Variants in BARD1 observed in about 807,000 individuals in gnomAD.
BARD1 encodes BRCA1 associated RING domain 1, also known as BRCA1-associated RING domain protein 1.
BARD1 carries 73 observed loss-of-function variants against 77.0 expected under a neutral mutation model. The observed-to-expected ratio is 0.95, with a 90% CI of 0.79 to 1.15. The LOEUF is 1.15. Ranked by LOEUF, BARD1 falls within the 50% of genes most tolerant of loss-of-function variation. BARD1 has a pLI of 0.00. For synonymous variants in BARD1, 384 were observed against 338.0 expected, an observed-to-expected ratio of 1.14 and a Z score of -1.49; for missense variants, 993 against 938.8, an observed-to-expected ratio of 1.06 and a Z score of -0.75.
chr2:214,726,086 T>C lies in BARD1; in HGVS notation c.*2590A>G, dbSNP rs1407421613. The C allele has an allele frequency of 4.6e-6, 1 of 218,838 alleles. No individual in the cohort carries two copies. The highest frequency in any genetic ancestry group is 9.2e-6 in the Non-Finnish European group (1 of 109,234). 13.6% of individuals were successfully genotyped at this position (218,838 alleles called of 1,614,324 possible). A position where few individuals can be genotyped will look rare whatever the true frequency, so the allele number is the denominator to read the frequency against. On this transcript the variant is annotated 3_prime_UTR_variant, in exon 11 of 11. Transcript: ENST00000260947. ...CCGATGAAATAAAGGAAAAATTCTA[T>C]TTACTAAAATTCAAGTAGCTAAACT...
intron 4 of BARD1, among the ~76,000 whole-genome samples, chr2:214,773,646 G>T (rs1294707197): frequency 1.3e-5 from 2 of 149,782 alleles, no homozygotes; most frequent in Non-Finnish European, 3.0e-5. Flanking sequence ...TAAAAAAAAT[G>T]AACAGACCTT....
rs1197714540 is a variant in BARD1, at chr2:214,796,972, T to C, written c.215+89A>G. ...GCAGACTTTGAAAGTTACACAAACA[T>C]CAAGTACCATTATTATCAACAAGAT... On this transcript the variant is annotated intron_variant, in intron 2 of 10. Coordinates refer to ENST00000260947, the MANE Select transcript of BARD1 (RefSeq NM_000465.4). The C allele has an allele frequency of 5.8e-6, 6 of 1,033,234 alleles. No individual in the cohort carries two copies. In the East Asian group the frequency reaches 1.2e-4, roughly 20 times the overall value. The allele number at this position is 1,033,234 out of a possible 1,614,324, so 64.0% of individuals were successfully genotyped here.
At chr2:214,762,241 T>C (rs560520499) in intron 6 of BARD1, among the ~76,000 whole-genome samples, 2 of 152,328 alleles carry the variant, frequency 1.3e-5, no homozygotes, top group Non-Finnish European at 2.9e-5. Flanking sequence ...AAAATGTTTA[T>C]GAAACACAGA....
At chr2:214,744,274 G>C (rs1692991013) in intron 9 of BARD1, among the ~76,000 whole-genome samples, 1 of 152,128 alleles carries the variant, frequency 6.6e-6, no homozygotes, top group Non-Finnish European at 1.5e-5. Context: ...GAGATAGCTG[G>C]TATAGTGACT....
Position 214,809,544 on chromosome 2 carries a change from T to C in BARD1, c.26A>G (p.Asn9Ser), listed in dbSNP as rs1696475019. The C allele has an allele frequency of 6.4e-7, 1 of 1,572,338 alleles. No individual in the cohort carries two copies. The highest frequency in any genetic ancestry group is 8.6e-7 in the Non-Finnish European group (1 of 1,161,368). The change falls in exon 1 of 11, where the codon AAC becomes AGC. Residue 9 changes from asparagine (N) to serine (S), a missense_variant. Asn to Ser is a conservative substitution (Grantham distance 46). Coordinates refer to ENST00000260947, the MANE Select transcript of BARD1 (RefSeq NM_000465.4). ...CCCGGAGCGGATCCTCGGCTGCCGG[T>C]TCCTCGGCTGCCGATTATCCGGCAT... MPDNRQPR[N>S]RQPRIRSGNE...
chr2:214,736,876 C>T (rs114833034), intron 9 of BARD1, among the ~76,000 whole-genome samples: 308 of 152,208 alleles, frequency 2.0e-3, no homozygotes, highest in African/African-American at 7.1e-3. Context: ...TTGAGTTAAA[C>T]AAATACATTT....
chr2:214,785,031 A>ATGTCTTTATTAGC (rs1559429901), intron 3 of BARD1, among the ~76,000 whole-genome samples: 2 of 150,870 alleles, frequency 1.3e-5, no homozygotes, highest in African/African-American at 5.0e-5. Flanking sequence ...TAAAAAAAAA[A>ATGTCTTTATTAGC]AAAAGAAAGA....
intron 1 of BARD1, among the ~76,000 whole-genome samples, chr2:214,803,461 GC>G (rs1475800772): frequency 6.6e-6 from 1 of 152,226 alleles, no homozygotes; most frequent in East Asian, 1.9e-4. Context: ...GGGAAAAACC[GC>G]CTTAGGGCTG....
Position 214,728,861 on chromosome 2 carries a change from T to TAGACC in BARD1, c.2148_2149insGGTCT (p.Ile717GlyfsTer50). On this transcript the variant is annotated frameshift_variant, in exon 11 of 11. Coordinates refer to ENST00000260947, the MANE Select transcript of BARD1 (RefSeq NM_000465.4). LOFTEE classifies it high-confidence loss of function. Reference sequence around the variant, plus strand: ...CTCGCATGGTATGCGACTGTATTGATGGTCTGAGTCACGTCACTGTCTGGC... The same window carrying TAGACC: ...CTCGCATGGTATGCGACTGTATTGATAGACCGGTCTGAGTCACGTCACTGTCTGGC... The TAGACC allele has an allele frequency of 6.2e-7, 1 of 1,614,178 alleles. No individual in the cohort carries two copies. Among genetic ancestry groups the TAGACC allele is most frequent in the South Asian group, 1.1e-5 (1 of 91,086 alleles).
At position 214,766,125 on chromosome 2, in the gene BARD1, G is replaced by A. The variant is rs551499464; in HGVS notation, c.1568+1357C>T. 3.2e-4 allele frequency among the ~76,000 whole-genome samples: 49 copies of A among 152,192 alleles called. No homozygotes were observed. In the South Asian group the frequency reaches 1.0e-2, roughly 31 times the overall value. On this transcript the variant is annotated intron_variant, in intron 6 of 10. Coordinates refer to ENST00000260947, the MANE Select transcript of BARD1 (RefSeq NM_000465.4). ...AATAAAATACTACATAGGGAGACAT[G>A]AACCAAGTTACAGATTAAAGATACA...
intron 6 of BARD1, among the ~76,000 whole-genome samples, chr2:214,766,799 C>T (rs994736367): frequency 1.2e-4 from 18 of 152,082 alleles, no homozygotes; most frequent in Admixed American, 3.3e-4. Context: ...TACTTATTAT[C>T]GTAGTGTTAT....
intron 3 of BARD1, among the ~76,000 whole-genome samples, chr2:214,791,818 T>C (rs1695526793): frequency 6.6e-6 from 1 of 152,140 alleles, no homozygotes; most frequent in African/African-American, 2.4e-5. Flanking sequence ...GCAGAAGTTA[T>C]CATAAATGTA....
intron 3 of BARD1, among the ~76,000 whole-genome samples, chr2:214,782,969 G>A (rs1695108426): frequency 6.6e-6 from 1 of 152,122 alleles, no homozygotes; most frequent in South Asian, 2.1e-4. Context: ...AAGTTACCTA[G>A]ACCAAGAGGC....
intron 9 of BARD1, 115 bp from the exon 10 acceptor site, chr2:214,730,623 T>C (rs559845412): frequency 2.5e-6 from 2 of 813,792 alleles, no homozygotes; most frequent in East Asian, 5.2e-5. Context: ...AGTTTTTAAG[T>C]ATTATTCTAA....
intron 4 of BARD1, among the ~76,000 whole-genome samples, chr2:214,771,647 G>GA (rs1694495528): frequency 6.6e-6 from 1 of 151,580 alleles, no homozygotes; most frequent in South Asian, 2.1e-4. Context: ...AGAACTGCTT[G>GA]AACCCAGGAG....
At chr2:214,806,399 C>G (rs1352923960) in intron 1 of BARD1, among the ~76,000 whole-genome samples, 2 of 152,164 alleles carry the variant, frequency 1.3e-5, no homozygotes, top group African/African-American at 2.4e-5. Context: ...ATGGAAGAAG[C>G]AGACCATTCT....
In BARD1 at chr2:214,764,645, A is replaced by C. The variant is rs559206098; in HGVS notation, c.1568+2837T>G. Reference sequence around the variant, plus strand: ...TCTTATAAACCATATTTTGGGATTTAACCTTTATTTTAAAAACATTAAGAG... The same window carrying C: ...TCTTATAAACCATATTTTGGGATTTCACCTTTATTTTAAAAACATTAAGAG... On this transcript the variant is annotated intron_variant, in intron 6 of 10. Coordinates refer to ENST00000260947, the MANE Select transcript of BARD1 (RefSeq NM_000465.4). Among the ~76,000 whole-genome samples the C allele has an allele frequency of 3.3e-5, 5 of 152,302 alleles. 1 individual carries two copies. In the South Asian group the frequency reaches 1.0e-3, roughly 32 times the overall value.
intron 9 of BARD1, among the ~76,000 whole-genome samples, chr2:214,743,406 T>A (rs1559384532): frequency 6.6e-6 from 1 of 152,224 alleles, no homozygotes; most frequent in Non-Finnish European, 1.5e-5. Context: ...ATATACCCAC[T>A]GTTCTTTCTT....
intron 7 of BARD1, among the ~76,000 whole-genome samples, chr2:214,750,646 G>T (rs566692013): frequency 1.1e-4 from 17 of 152,062 alleles, no homozygotes; most frequent in Non-Finnish European, 2.2e-4. Flanking sequence ...CCCTTTCAAA[G>T]ACTGACCCTA....
Sources: gnomAD v4.1 joint callset for allele counts (sites outside exome capture counted in the v4.1 genomes callset) on GRCh38, gnomAD v4.1.1 for gene constraint, MANE v1.5 for transcripts, NCBI Gene and HGNC (gene_info 2026-07-23, HGNC 2026-07-21) for gene names.